The following NIBAN1 variants were observed in gnomAD, a reference collection of about 807,000 sequenced individuals.
The protein encoded by NIBAN1 is niban apoptosis regulator 1, also known as protein Niban 1.
A neutral mutation model predicts 75.1 loss-of-function variants in NIBAN1; 81 were observed. The ratio of observed to expected loss-of-function variants is 1.08; its 90% CI spans 0.90 to 1.30. The LOEUF (loss-of-function observed/expected upper bound fraction) is 1.30. NIBAN1 is among the 50% of genes most tolerant of loss of function. The probability of loss-of-function intolerance (pLI) is 0.00; values close to 1 mark genes in which losing one functional copy is unlikely to be tolerated. For missense variants in NIBAN1, 1,133 were observed against 1,128.1 expected, an observed-to-expected ratio of 1.00 and a Z score of -0.06; for synonymous variants, 436 against 424.8, an observed-to-expected ratio of 1.03 and a Z score of -0.32.
chr1:184,868,534 C>A (rs1426591856), intron 5 of NIBAN1: 1 of 150,524 alleles, frequency 6.6e-6, no homozygotes, highest in South Asian at 2.1e-4. Context: ...CACAGGAACA[C>A]CCTTTTGGGT....
In NIBAN1 at chr1:184,795,751, C is replaced by T. The variant is rs1311516419; in HGVS notation, c.2013G>A (p.Glu671=). Residue 671 remains glutamate, a synonymous_variant, in exon 14 of 14, where the codon GAG becomes GAA. Coordinates refer to ENST00000367511, the MANE Select transcript of NIBAN1 (RefSeq NM_052966.4). ...DDPVVNPVAT[E]DTAGLPGTCS... Reference sequence around the variant, plus strand: ...ATGTGCCCGGGAGTCCTGCTGTGTCCTCTGTTGCCACAGGATTCACCACGG... The same window carrying T: ...ATGTGCCCGGGAGTCCTGCTGTGTCTTCTGTTGCCACAGGATTCACCACGG... The T allele has an allele frequency of 6.2e-7, 1 of 1,612,070 alleles. No individual in the cohort carries two copies. Among genetic ancestry groups the T allele is most frequent in the Non-Finnish European group, 8.5e-7 (1 of 1,178,836 alleles).
chr1:184,861,124 G>A lies in NIBAN1; in HGVS notation c.601+23509C>T, dbSNP rs34199165. On this transcript the variant is annotated intron_variant, in intron 5 of 13. Coordinates refer to ENST00000367511, the MANE Select transcript of NIBAN1 (RefSeq NM_052966.4). ...GTCTCTGTTGCCACTAGTCAACTCTGCCATTCTATTGCAGAAGCAGCCCAA... is the reference window on the plus strand; with the variant it reads ...GTCTCTGTTGCCACTAGTCAACTCTACCATTCTATTGCAGAAGCAGCCCAA... Among the ~76,000 whole-genome samples, 1,400 of 152,328 alleles carry A rather than the reference G, an allele frequency of 9.2e-3. 13 individuals carry two copies. Among genetic ancestry groups the A allele is most frequent in the Non-Finnish European group, 0.015 (1,011 of 68,028 alleles).
intron 5 of NIBAN1, among the ~76,000 whole-genome samples, chr1:184,843,292 G>C (rs954300064): frequency 6.6e-6 from 1 of 152,122 alleles, no homozygotes; most frequent in African/African-American, 2.4e-5. Flanking sequence ...CAGTGGATAT[G>C]TGGATTATAG....
chr1:184,833,392 C>T (rs963565171), intron 5 of NIBAN1, among the ~76,000 whole-genome samples: 2 of 151,662 alleles, frequency 1.3e-5, no homozygotes, highest in African/African-American at 4.9e-5. Context: ...GAAGTCCATT[C>T]GAAGCTGCAT....
intron 7 of NIBAN1, 116 bp from the exon 8 acceptor site, chr1:184,823,445 A>T (rs1654758524): frequency 7.3e-7 from 1 of 1,377,726 alleles, no homozygotes; most frequent in South Asian, 1.4e-5. Context: ...CTGCACACAC[A>T]TTGTAATTTT....
At chr1:184,884,888 G>A in intron 4 of NIBAN1, 88 bp from the exon 5 acceptor site, 1 of 1,470,950 alleles carries the variant, frequency 6.8e-7, no homozygotes, top group Non-Finnish European at 9.2e-7. Flanking sequence ...GTGACTATCT[G>A]GGGCAGGCCA....
intron 12 of NIBAN1, among the ~76,000 whole-genome samples, chr1:184,801,690 C>G (rs892998483): frequency 9.9e-5 from 15 of 152,214 alleles, no homozygotes; most frequent in African/African-American, 3.4e-4. Context: ...TGCCTGTCTC[C>G]TGCTCTCTAC....
rs1659017549 is a variant in NIBAN1 at position 184,974,282 on chromosome 1, C to A, written c.55+20G>T. The stretch of plus-strand genomic sequence containing the variant: ...GCACGGGTCAGGGTGCTCCCCAGGC[C>A]CCCGGGCGGGCGGGCGTACCTCGGA... On this transcript the variant is annotated intron_variant, in intron 1 of 13. Coordinates refer to ENST00000367511, the MANE Select transcript of NIBAN1 (RefSeq NM_052966.4). The A allele has an allele frequency of 2.6e-6, 4 of 1,550,172 alleles. No homozygotes were observed. In the East Asian group the frequency reaches 9.8e-5, roughly 38 times the overall value.
chr1:184,951,299 A>C (rs952886473), intron 1 of NIBAN1, among the ~76,000 whole-genome samples: 2 of 152,230 alleles, frequency 1.3e-5, no homozygotes, highest in African/African-American at 4.8e-5. Flanking sequence ...CCTGGCAGGT[A>C]ATTAAGGATG....
intron 1 of NIBAN1, among the ~76,000 whole-genome samples, chr1:184,940,397 C>T (rs1369584083): frequency 2.0e-5 from 3 of 151,850 alleles, no homozygotes; most frequent in African/African-American, 7.3e-5. Flanking sequence ...CTTTAGCAGG[C>T]CTGGCAGTAA....
At chr1:184,807,724 G>A (rs1456054187) in intron 10 of NIBAN1, among the ~76,000 whole-genome samples, 3 of 152,190 alleles carry the variant, frequency 2.0e-5, no homozygotes, top group Non-Finnish European at 2.9e-5. Flanking sequence ...GGGAGGCAAA[G>A]GTTGCATGCA....
At chr1:184,878,687 T>C (rs750596359) in intron 5 of NIBAN1, among the ~76,000 whole-genome samples, 32 of 152,192 alleles carry the variant, frequency 2.1e-4, no homozygotes, top group South Asian at 4.1e-4. Flanking sequence ...AAAGAATAGA[T>C]TGATTTAATA....
intron 1 of NIBAN1, among the ~76,000 whole-genome samples, chr1:184,933,225 G>A (rs1657870978): frequency 6.6e-6 from 1 of 152,148 alleles, no homozygotes; most frequent in Non-Finnish European, 1.5e-5. Flanking sequence ...CTTTCTCAAA[G>A]TCCAGTTCAA....
chr1:184,853,475 T>C (rs1452273688), intron 5 of NIBAN1, among the ~76,000 whole-genome samples: 2 of 152,234 alleles, frequency 1.3e-5, no homozygotes, highest in Admixed American at 1.3e-4. Flanking sequence ...AATTTGCATT[T>C]ACATTTGAAT....
At chr1:184,883,991 GGAA>G (rs546259325) in intron 5 of NIBAN1, among the ~76,000 whole-genome samples, 9 of 152,146 alleles carry the variant, frequency 5.9e-5, no homozygotes, top group Non-Finnish European at 1.3e-4. Flanking sequence ...TTTTAAATCA[GGAA>G]GAAGGAGAGT....
intron 1 of NIBAN1, among the ~76,000 whole-genome samples, chr1:184,947,924 T>C (rs1658271229): frequency 6.6e-6 from 1 of 152,212 alleles, no homozygotes; most frequent in South Asian, 2.1e-4. Context: ...TTTAATGACC[T>C]TTAAATTCCC....
At chr1:184,967,719 C>A (rs955083141) in intron 1 of NIBAN1, among the ~76,000 whole-genome samples, 3 of 152,158 alleles carry the variant, frequency 2.0e-5, no homozygotes, top group African/African-American at 7.2e-5. Context: ...CTCTTACAGC[C>A]AACGTCCATA....
chr1:184,848,464 C>G (rs374452396), intron 5 of NIBAN1, among the ~76,000 whole-genome samples: 1 of 33,142 alleles, frequency 3.0e-5, no homozygotes, highest in Non-Finnish European at 5.3e-5. Flanking sequence ...ATCTCTGGGA[C>G]GCATTCAAAG....
chr1:184,956,186 A>G (rs1251770718), intron 1 of NIBAN1, among the ~76,000 whole-genome samples: 1 of 151,654 alleles, frequency 6.6e-6, no homozygotes, highest in Non-Finnish European at 1.5e-5. Flanking sequence ...GCGCCACTAC[A>G]TTTGGCTCAT....
Sources: allele counts gnomAD v4.1 joint callset (sites outside exome capture counted in the v4.1 genomes callset), GRCh38; gene constraint gnomAD v4.1.1; transcripts MANE v1.5; gene names NCBI Gene and HGNC (gene_info 2026-07-23, HGNC 2026-07-21).